Variants in PRR5L observed in about 807,000 individuals in gnomAD.
The protein encoded by PRR5L is proline-rich protein 5-like.
PRR5L carries 21 observed loss-of-function variants against 36.4 expected under a neutral mutation model. The observed-to-expected ratio is 0.58, with a 90% CI of 0.41 to 0.83. The LOEUF is 0.83. Ranked by LOEUF, PRR5L falls within the 40% of genes least tolerant of loss-of-function variation. The probability of loss-of-function intolerance (pLI) is 0.00; values close to 1 mark genes in which losing one functional copy is unlikely to be tolerated. For missense variants in PRR5L, 381 were observed against 473.3 expected (o/e 0.80, Z 1.81); for synonymous variants, 188 against 197.0 (o/e 0.95, Z 0.38).
intron 1 of PRR5L, chr11:36,394,392 T>C (rs945731791): frequency 3.9e-5 from 6 of 152,258 alleles, no homozygotes; most frequent in Admixed American, 3.9e-4. Flanking sequence ...TTCTCACTTT[T>C]CAGATGTAGA....
At chr11:36,316,057 T>C (rs1025146069) in intron 1 of PRR5L, among the ~76,000 whole-genome samples, 1 of 152,164 alleles carries the variant, frequency 6.6e-6, no homozygotes, top group Non-Finnish European at 1.5e-5. Context: ...CTGATTGTTA[T>C]AGGGGATTGA....
chr11:36,431,776 ACTGGAAGT>A, intron 4 of PRR5L, 69 bp from the exon 5 acceptor site: 1 of 1,361,016 alleles, frequency 7.3e-7, no homozygotes, highest in Non-Finnish European at 1.1e-6. Flanking sequence ...GCCCTTGCCC[ACTGGAAGT>A]GGAAGAGGGT....
intron 1 of PRR5L, among the ~76,000 whole-genome samples, chr11:36,363,777 A>G (rs1329291733): frequency 2.6e-5 from 4 of 152,200 alleles, no homozygotes; most frequent in African/African-American, 9.7e-5. Flanking sequence ...CCAGAGGAAA[A>G]TGGCCCACCC....
At chr11:36,305,258 G>A (rs528669466) in intron 1 of PRR5L, among the ~76,000 whole-genome samples, 46 of 152,174 alleles carry the variant, frequency 3.0e-4, no homozygotes, top group Non-Finnish European at 6.0e-4. Context: ...TATGCTAAGT[G>A]CAAGAAGTCA....
intron 3 of PRR5L, among the ~76,000 whole-genome samples, chr11:36,414,213 C>A (rs1035411283): frequency 2.6e-5 from 4 of 151,498 alleles, no homozygotes; most frequent in East Asian, 2.0e-4. Context: ...ATTTATAGTC[C>A]TTTGGGTATA....
At chr11:36,322,896 A>C (rs1405613176) in intron 1 of PRR5L, among the ~76,000 whole-genome samples, 4 of 152,158 alleles carry the variant, frequency 2.6e-5, no homozygotes, top group Non-Finnish European at 5.9e-5. Flanking sequence ...GGGAGGTTGG[A>C]AGCAGAAACT....
intron 1 of PRR5L, chr11:36,376,283 A>G: frequency 1.8e-6 from 2 of 1,139,740 alleles, no homozygotes; most frequent in Non-Finnish European, 2.3e-6. Flanking sequence ...GGTGCCCGGG[A>G]CAGGAAAAGT....
At chr11:36,415,852 C>G (rs1858131410) in intron 3 of PRR5L, among the ~76,000 whole-genome samples, 1 of 152,142 alleles carries the variant, frequency 6.6e-6, no homozygotes. Flanking sequence ...TGGGGAAACC[C>G]CTTCATATAG....
At chr11:36,363,299 CAA>C (rs942490618) in intron 1 of PRR5L, among the ~76,000 whole-genome samples, 4 of 152,234 alleles carry the variant, frequency 2.6e-5, no homozygotes, top group African/African-American at 7.2e-5. Context: ...ATTCATGACA[CAA>C]GTTATTTAAA....
At chr11:36,382,447 A>G (rs934462540) in intron 1 of PRR5L, among the ~76,000 whole-genome samples, 3 of 152,220 alleles carry the variant, frequency 2.0e-5, no homozygotes, top group African/African-American at 7.2e-5. Flanking sequence ...CATGGTCTAG[A>G]GCTGTGCTTC....
In PRR5L at chr11:36,388,694, CTTTCTTTT is replaced by C. The variant is rs1461719535; in HGVS notation, c.-125-12299_-125-12292del. On this transcript the variant is annotated intron_variant, in intron 1 of 8. Coordinates refer to ENST00000530639, the MANE Select transcript of PRR5L (RefSeq NM_001160167.2). ...TTCTTTCATTCAAGGTCGGCTCTTT[CTTTCTTTT>C]TTTTTTTTTTTTTTGAGACGGAGTC... Among the ~76,000 whole-genome samples the C allele has an allele frequency of 1.9e-3, 211 of 112,820 alleles. 6 individuals carry two copies. The highest frequency in any genetic ancestry group is 3.0e-3 in the Non-Finnish European group (175 of 58,118). The allele number at this position is 112,820 out of a possible 152,430, so 74.0% of individuals were successfully genotyped here.
At chr11:36,302,647 C>T (rs1311195164) in intron 1 of PRR5L, among the ~76,000 whole-genome samples, 4 of 152,026 alleles carry the variant, frequency 2.6e-5, no homozygotes, top group Admixed American at 2.6e-4. Context: ...ATTAGCTGGG[C>T]ATGGTGGCGG....
At chr11:36,348,911 A>G (rs1469423504) in intron 1 of PRR5L, among the ~76,000 whole-genome samples, 1 of 152,172 alleles carries the variant, frequency 6.6e-6, no homozygotes, top group African/African-American at 2.4e-5. Flanking sequence ...CTATTCTCTC[A>G]GGGCCAAGCG....
At chr11:36,385,777 T>C (rs1028015925) in intron 1 of PRR5L, among the ~76,000 whole-genome samples, 15 of 152,248 alleles carry the variant, frequency 9.9e-5, no homozygotes, top group Non-Finnish European at 1.6e-4. Flanking sequence ...ACAATTGTGC[T>C]ATGCTATGTA....
chr11:36,386,835 G>A lies in PRR5L; in HGVS notation c.-125-14162G>A, dbSNP rs531922275. Among the ~76,000 whole-genome samples, 10 of 152,316 alleles carry A rather than the reference G, an allele frequency of 6.6e-5. No individual in the cohort carries two copies. In the South Asian group the frequency reaches 2.1e-3, roughly 32 times the overall value. On this transcript the variant is annotated intron_variant, in intron 1 of 8. Coordinates refer to ENST00000530639, the MANE Select transcript of PRR5L (RefSeq NM_001160167.2). ...AACTGAGGGAATAGATGCAAATGGAGGCTTGACACAGTCCTGACCATCATG... is the reference window on the plus strand; with the variant it reads ...AACTGAGGGAATAGATGCAAATGGAAGCTTGACACAGTCCTGACCATCATG...
chr11:36,413,232 T>G (rs961869040), intron 3 of PRR5L, among the ~76,000 whole-genome samples: 3 of 152,176 alleles, frequency 2.0e-5, no homozygotes, highest in African/African-American at 7.2e-5. Flanking sequence ...CCTTTCCTCA[T>G]CTCTTCACTC....
At chr11:36,424,442 A>G (rs1858336766) in intron 4 of PRR5L, among the ~76,000 whole-genome samples, 1 of 152,242 alleles carries the variant, frequency 6.6e-6, no homozygotes, top group South Asian at 2.1e-4. Flanking sequence ...GGCAGGAGCC[A>G]GGCTTAGGGC....
intron 1 of PRR5L, chr11:36,321,751 A>G (rs554520312): frequency 6.6e-6 from 1 of 152,314 alleles, no homozygotes; most frequent in Admixed American, 6.5e-5. Flanking sequence ...TAAACAACAG[A>G]CATTTATTTT....
rs566815769 is a variant in PRR5L, at chr11:36,325,546, C to T, written c.-126+29108C>T. ...TGGGTTTATATCCTGATCATTGTCC[C>T]TGGCGCTGTGCTCTCAGGCAATAGA... On this transcript the variant is annotated intron_variant, in intron 1 of 8. Coordinates refer to ENST00000530639, the MANE Select transcript of PRR5L (RefSeq NM_001160167.2). Among the ~76,000 whole-genome samples the T allele has an allele frequency of 4.6e-4, 70 of 152,330 alleles. 1 individual carries two copies. Among genetic ancestry groups the T allele is most frequent in the African/African-American group, 1.7e-3 (69 of 41,570 alleles).
Sources: allele counts gnomAD v4.1 joint callset (sites outside exome capture counted in the v4.1 genomes callset), GRCh38; gene constraint gnomAD v4.1.1; transcripts MANE v1.5; gene names NCBI Gene and HGNC (gene_info 2026-07-23, HGNC 2026-07-21).